SLC25A16: variants seen among roughly 807,000 people sequenced by gnomAD.
SLC25A16 encodes solute carrier family 25 member 16, also known as mitochondrial coenzyme A transporter SLC25A16.
In SLC25A16, 39 loss-of-function variants were observed where a neutral mutation model predicts 41.5. The observed-to-expected ratio is 0.94, with a 90% CI of 0.73 to 1.23. The LOEUF is 1.23. Among genes scored for constraint, SLC25A16 ranks in the 50% most tolerant of loss-of-function variants. The pLI is 0.00. For synonymous variants in SLC25A16, 146 were observed against 147.8 expected (o/e 0.99, Z 0.09); for missense variants, 421 against 426.9 (o/e 0.99, Z 0.12).
At chr10:68,525,347 G>A (rs1335189816) in intron 1 of SLC25A16, among the ~76,000 whole-genome samples, 3 of 152,010 alleles carry the variant, frequency 2.0e-5, no homozygotes, top group Non-Finnish European at 4.4e-5. Context: ...TGTTGGCCAG[G>A]CTGGTCTCAA....
chr10:68,508,074 T>C (rs2052987715), intron 2 of SLC25A16, among the ~76,000 whole-genome samples: 1 of 151,718 alleles, frequency 6.6e-6, no homozygotes, highest in African/African-American at 2.4e-5. Context: ...CTACTAAAAA[T>C]ACAAAAATTA....
intron 6 of SLC25A16, among the ~76,000 whole-genome samples, chr10:68,491,894 T>A (rs1048759649): frequency 6.6e-6 from 1 of 152,076 alleles, no homozygotes; most frequent in Admixed American, 6.6e-5. Flanking sequence ...AGTGGCGTGA[T>A]CTCGGCTCAC....
At chr10:68,509,506 G>A (rs929109803) in intron 2 of SLC25A16, among the ~76,000 whole-genome samples, 2 of 151,896 alleles carry the variant, frequency 1.3e-5, no homozygotes, top group Admixed American at 1.3e-4. Flanking sequence ...CTTGAGCCCA[G>A]GAATTTGACA....
chr10:68,488,983 A>G (rs1447779879), intron 6 of SLC25A16, among the ~76,000 whole-genome samples: 1 of 152,168 alleles, frequency 6.6e-6, no homozygotes, highest in African/African-American at 2.4e-5. Context: ...TAAAATAACA[A>G]TGATGGCCGG....
intron 4 of SLC25A16, among the ~76,000 whole-genome samples, chr10:68,498,348 T>A (rs1247920412): frequency 6.8e-6 from 1 of 147,146 alleles, no homozygotes; most frequent in East Asian, 2.0e-4. Context: ...TGAGACAGAG[T>A]CTCATTCTGT....
chr10:68,502,698 C>A (rs2052869250), intron 4 of SLC25A16, among the ~76,000 whole-genome samples: 1 of 140,990 alleles, frequency 7.1e-6, no homozygotes, highest in African/African-American at 2.7e-5. Flanking sequence ...CGCCACTGCA[C>A]TCCAAGTCTG....
At chr10:68,513,183 T>C (rs1003254631) in intron 2 of SLC25A16, among the ~76,000 whole-genome samples, 3 of 129,226 alleles carry the variant, frequency 2.3e-5, no homozygotes, top group African/African-American at 1.0e-4. Flanking sequence ...ACTCTCTATT[T>C]TTTTTTTTTT....
In SLC25A16 at chr10:68,484,177, T is replaced by C. The variant is rs147856478; in HGVS notation, c.843-589A>G. On this transcript the variant is annotated intron_variant, in intron 8 of 8. Transcript: ENST00000609923. ...CTGGACAACAACTATTTCATACTTATATTTGAAATACTAATGCAATCCTTT... is the reference window on the plus strand; with the variant it reads ...CTGGACAACAACTATTTCATACTTACATTTGAAATACTAATGCAATCCTTT... Among the ~76,000 whole-genome samples, 386 of 152,300 alleles carry C rather than the reference T, an allele frequency of 2.5e-3. 2 individuals are homozygous for C. The highest frequency in any genetic ancestry group is 8.7e-3 in the African/African-American group (363 of 41,568).
intron 1 of SLC25A16, among the ~76,000 whole-genome samples, chr10:68,518,818 ATAAATAAAT>A (rs1432704644): frequency 4.0e-5 from 6 of 151,386 alleles, no homozygotes; most frequent in African/African-American, 1.5e-4. Flanking sequence ...AATTAAATAA[ATAAATAAAT>A]AAAATGTATT....
At chr10:68,521,814 G>A (rs1394078904) in intron 1 of SLC25A16, among the ~76,000 whole-genome samples, 3 of 150,972 alleles carry the variant, frequency 2.0e-5, no homozygotes, top group Non-Finnish European at 3.0e-5. Flanking sequence ...AGCCGGGATG[G>A]TCTCGATCTC....
intron 4 of SLC25A16, chr10:68,499,544 C>G (rs1477542940): frequency 1.8e-5 from 4 of 222,554 alleles, no homozygotes; most frequent in African/African-American, 9.2e-5. Context: ...GAAGTTCAAT[C>G]CCTTTGTGAC....
At chr10:68,508,389 G>GT (rs927494803) in intron 2 of SLC25A16, among the ~76,000 whole-genome samples, 1 of 128,968 alleles carries the variant, frequency 7.8e-6, no homozygotes, top group African/African-American at 2.9e-5. Flanking sequence ...GGATAGGAGA[G>GT]TAACAGGAAG....
intron 3 of SLC25A16, among the ~76,000 whole-genome samples, chr10:68,504,145 T>A (rs1447815554): frequency 6.8e-6 from 1 of 147,354 alleles, no homozygotes; most frequent in East Asian, 2.1e-4. Flanking sequence ...GCCTCCCAAG[T>A]AGCTGGGACT....
chr10:68,495,600 A>G (rs1464997978), intron 4 of SLC25A16, among the ~76,000 whole-genome samples: 1 of 151,940 alleles, frequency 6.6e-6, no homozygotes, highest in African/African-American at 2.4e-5. Context: ...TCTGGGCAAC[A>G]CAGTGAAACC....
Position 68,478,924 on chromosome 10 carries a change from A to ATT in SLC25A16, c.*4506_*4507dup, listed in dbSNP as rs2052455835. 6.6e-6 allele frequency: 1 copy of ATT among 151,542 alleles called. No homozygotes were observed. Among genetic ancestry groups the ATT allele is most frequent in the African/African-American group, 2.4e-5 (1 of 41,250 alleles). The allele number at this position is 151,542 out of a possible 1,614,324, so 9.4% of individuals were successfully genotyped here. On this transcript the variant is annotated 3_prime_UTR_variant, in exon 9 of 9. Transcript: ENST00000609923. The stretch of plus-strand genomic sequence containing the variant: ...AGGCGCCCACCACCATGCCTGGCTA[A>ATT]TTTTTATATTTTTAGTAGAGATGGG...
At position 68,488,456 on chromosome 10, in the gene SLC25A16, A is replaced by G. The variant is rs908885199; in HGVS notation, c.773+11T>C. 3 of 1,480,338 alleles carry G rather than the reference A, an allele frequency of 2.0e-6. No individual in the cohort carries two copies. Among genetic ancestry groups the G allele is most frequent in the Admixed American group, 2.6e-5 (1 of 38,518 alleles). The allele number at this position is 1,480,338 out of a possible 1,614,324, so 91.7% of individuals were successfully genotyped here. ...ATAATTTGATTAAATTAAGTTAGTG[A>G]AGAAACTTACGATATTGTCTGCGCT... is the stretch of plus-strand genomic sequence containing the variant. On this transcript the variant is annotated intron_variant, in intron 7 of 8. Coordinates refer to ENST00000609923, the MANE Select transcript of SLC25A16 (RefSeq NM_152707.4).
chr10:68,493,404 G>A (rs1262795854), intron 5 of SLC25A16, 45 bp downstream of exon 5: 2 of 1,531,788 alleles, frequency 1.3e-6, no homozygotes, highest in Non-Finnish European at 1.8e-6. Flanking sequence ...ATTTTCCTAA[G>A]TATAAAAGGG....
intron 2 of SLC25A16, among the ~76,000 whole-genome samples, chr10:68,509,493 T>A (rs9633584): frequency 0.11 from 16,543 of 151,894 alleles, 1,094 homozygotes; most frequent in South Asian, 0.24. Flanking sequence ...GGTGGGAGGA[T>A]CGCTTGAGCC....
intron 4 of SLC25A16, chr10:68,496,755 G>A: frequency 1.2e-6 from 1 of 849,464 alleles, no homozygotes; most frequent in East Asian, 1.2e-4. Context: ...ATCATATTTA[G>A]AAAGTATGGT....
Sources: allele counts gnomAD v4.1 joint callset (sites outside exome capture counted in the v4.1 genomes callset), GRCh38; gene constraint gnomAD v4.1.1; transcripts MANE v1.5; gene names NCBI Gene and HGNC (gene_info 2026-07-23, HGNC 2026-07-21).